UNC13A: variants seen among roughly 807,000 people sequenced by gnomAD.
The protein encoded by UNC13A is unc-13 homolog A.
A neutral mutation model predicts 219.7 loss-of-function variants in UNC13A; 61 were observed. That is an observed-to-expected ratio of 0.28 (90% CI 0.23 to 0.34). The LOEUF (loss-of-function observed/expected upper bound fraction) is 0.34. UNC13A is among the 10% of genes least tolerant of loss of function. The pLI, the probability that UNC13A is intolerant of heterozygous loss-of-function variation, is 1.00. For synonymous variants in UNC13A, 920 were observed against 884.6 expected (o/e 1.04, Z -0.71); for missense variants, 1,476 against 2,270.3 (o/e 0.65, Z 7.11).
chr19:17,614,762 T>C (rs1256864412), intron 41 of UNC13A, among the ~76,000 whole-genome samples: 1 of 152,054 alleles, frequency 6.6e-6, no homozygotes, highest in Non-Finnish European at 1.5e-5. Context: ...CCAGGCCGTC[T>C]TCCTTGTTGC....
At position 17,647,431 on chromosome 19, in the gene UNC13A, C is replaced by T; in HGVS notation, c.1878G>A (p.Val626=). 1 of 1,613,724 alleles carries T rather than the reference C, an allele frequency of 6.2e-7. No individual in the cohort carries two copies. Among genetic ancestry groups the T allele is most frequent in the Non-Finnish European group, 8.5e-7 (1 of 1,179,842 alleles). Residue 626 remains valine, a synonymous_variant, in exon 17 of 44, where the codon GTG becomes GTA. Transcript: ENST00000519716. The part of the protein sequence containing the change: ...AEDRTQNIIM[V]LKDRMKIRER... ...CCCGGATCTTCATGCGGTCCTTGAGCACCATGATGATGTTCTGTGTCCGGT... is the reference window on the plus strand; with the variant it reads ...CCCGGATCTTCATGCGGTCCTTGAGTACCATGATGATGTTCTGTGTCCGGT...
chr19:17,618,962 C>T lies in UNC13A; in HGVS notation c.4273G>A (p.Gly1425Arg). The T allele has an allele frequency of 6.2e-7, 1 of 1,613,952 alleles. No homozygotes were observed. The highest frequency in any genetic ancestry group is 8.5e-7 in the Non-Finnish European group (1 of 1,179,858). ...GCTGCATTGAAGATCATCTGGGTTCCCTGCAGGTAACAACATACAGCTGGG... is the reference window on the plus strand; with the variant it reads ...GCTGCATTGAAGATCATCTGGGTTCTCTGCAGGTAACAACATACAGCTGGG... ...GRVKLPSHSD[G>R]TQMIFNAAKE... Residue 1425 changes from glycine (G) to arginine (R), a missense_variant and splice_region_variant, in exon 39 of 44, where the codon GGA becomes AGA. By Grantham distance (125) the Gly-to-Arg change is moderately radical (BLOSUM62 -2). Transcript: ENST00000519716.
At chr19:17,656,882 C>A in intron 9 of UNC13A, among the ~76,000 whole-genome samples, 1 of 148,212 alleles carries the variant, frequency 6.7e-6, no homozygotes, top group Non-Finnish European at 1.5e-5. Context: ...AAAAAATTCC[C>A]ACTTTTGTGG....
At chr19:17,630,320 G>A in intron 29 of UNC13A, 32 bp from the exon 30 acceptor site, 1 of 1,555,414 alleles carries the variant, frequency 6.4e-7, no homozygotes, top group Non-Finnish European at 8.7e-7. Context: ...GAGGAAGGAG[G>A]AGATCAGCAC....
intron 37 of UNC13A, 53 bp from the exon 38 acceptor site, chr19:17,620,775 C>T (rs1459726098): frequency 6.3e-7 from 1 of 1,593,596 alleles, no homozygotes; most frequent in Non-Finnish European, 8.6e-7. Flanking sequence ...TGGGAGGATA[C>T]TCAGTGGGAC....
chr19:17,655,821 T>TA, intron 10 of UNC13A, 62 bp downstream of exon 10: 1 of 1,456,130 alleles, frequency 6.9e-7, no homozygotes, highest in Non-Finnish European at 9.0e-7. Flanking sequence ...GACCCCATCA[T>TA]AGCCCTGCTG....
chr19:17,683,400 G>A (rs1280471066), intron 1 of UNC13A, among the ~76,000 whole-genome samples: 1 of 152,136 alleles, frequency 6.6e-6, no homozygotes, highest in Non-Finnish European at 1.5e-5. Context: ...GGGAGGCCGA[G>A]GCAAGAGGAT....
Position 17,636,211 on chromosome 19 carries a change from G to A in UNC13A, c.3082-54C>T, listed in dbSNP as rs191977047. The A allele has an allele frequency of 2.9e-3, 4,399 of 1,529,400 alleles. 10 individuals are homozygous for A. The highest frequency in any genetic ancestry group is 4.0e-3 in the Middle Eastern group (23 of 5,798). The allele number at this position is 1,529,400 out of a possible 1,614,324, so 94.7% of individuals were successfully genotyped here. On this transcript the variant is annotated intron_variant, in intron 25 of 43. Coordinates refer to ENST00000519716, the MANE Select transcript of UNC13A (RefSeq NM_001080421.3). Reference sequence around the variant, plus strand: ...TAGGGGGTCCAGAGGTTGGTGCCTCGGTCAGTTTATTACTGAAGAACAAGA... The same window carrying A: ...TAGGGGGTCCAGAGGTTGGTGCCTCAGTCAGTTTATTACTGAAGAACAAGA...
At position 17,621,186 on chromosome 19, in the gene UNC13A, C is replaced by T. The variant is rs10423760; in HGVS notation, c.4243-464G>A. On this transcript the variant is annotated intron_variant, in intron 37 of 43. Coordinates refer to ENST00000519716, the MANE Select transcript of UNC13A (RefSeq NM_001080421.3). ...GTGCACTCCTAAACACTTGCAGGCA[C>T]GTACACAATTATATCACACACAAAA... 3.9e-3 allele frequency among the ~76,000 whole-genome samples: 600 copies of T among 152,246 alleles called. 4 individuals carry two copies. Among genetic ancestry groups the T allele is most frequent in the African/African-American group, 0.013 (557 of 41,538 alleles).
intron 5 of UNC13A, among the ~76,000 whole-genome samples, chr19:17,669,005 A>G (rs2145899860): frequency 6.6e-6 from 1 of 152,230 alleles, no homozygotes. Flanking sequence ...TAGATGGCCC[A>G]GGCTGGTCTC....
chr19:17,627,815 G>A lies in UNC13A; in HGVS notation c.3831+48C>T. ...CTCAGGGGCCTGCAGGGACACAGTG[G>A]TGGGGGTGCCCCATCCCTTCTCCAG... On this transcript the variant is annotated intron_variant, in intron 32 of 43. Transcript: ENST00000519716. The surrounding 1 kb of genome is among the most constrained non-coding windows in gnomAD (Gnocchi z 4.7). 1.3e-6 allele frequency: 2 copies of A among 1,548,122 alleles called. No individual in the cohort carries two copies. The highest frequency in any genetic ancestry group is 2.4e-5 in the East Asian group (1 of 42,160).
chr19:17,656,389 A>G lies in UNC13A; in HGVS notation c.777T>C (p.Gly259=). The G allele has an allele frequency of 6.5e-7, 1 of 1,530,568 alleles. No homozygotes were observed. Among genetic ancestry groups the G allele is most frequent in the Non-Finnish European group, 8.8e-7 (1 of 1,140,532 alleles). The allele number at this position is 1,530,568 out of a possible 1,614,324, so 94.8% of individuals were successfully genotyped here. A position where few individuals can be genotyped will look rare whatever the true frequency, so the allele number is the denominator to read the frequency against. The part of the protein sequence containing the change: ...FSEPQALSPT[G]SSRYASSGEL... ...CCCCGGAAGAGGCATAGCGGCTGCT[A>G]CCCGTGGGGCTGTGGGGATGGAACA... Residue 259 remains glycine (G), a synonymous_variant, in exon 10 of 44, where the codon GGT becomes GGC. Coordinates refer to ENST00000519716, the MANE Select transcript of UNC13A (RefSeq NM_001080421.3).
At chr19:17,616,587 G>A (rs945453695) in intron 41 of UNC13A, 82 of 514,824 alleles carry the variant, frequency 1.6e-4, no homozygotes, top group Middle Eastern at 1.1e-3. Context: ...GCGCGGAGAG[G>A]GGACGGCGAG....
chr19:17,660,833 T>C (rs1176713164), intron 8 of UNC13A, among the ~76,000 whole-genome samples: 2 of 152,056 alleles, frequency 1.3e-5, no homozygotes, highest in African/African-American at 4.8e-5. Context: ...GCCTGGTCTA[T>C]CTTTGCTTTT....
Position 17,610,129 on chromosome 19 carries a change from T to G in UNC13A, c.4652-30A>C, listed in dbSNP as rs544860493. ...TGGAGGAAGTAGAGGGTAAGACAGG[T>G]CAGGTTCTCCCAGTTGGAAAAAGTA... On this transcript the variant is annotated intron_variant, in intron 42 of 43. Transcript: ENST00000519716. The G allele has an allele frequency of 5.6e-6, 9 of 1,612,310 alleles. No individual in the cohort carries two copies. In the African/African-American group the frequency reaches 1.2e-4, roughly 22 times the overall value.
chr19:17,683,879 A>G (rs1296849376), intron 1 of UNC13A, among the ~76,000 whole-genome samples: 2 of 152,052 alleles, frequency 1.3e-5, no homozygotes, highest in Non-Finnish European at 2.9e-5. Context: ...ACTTGAGCCC[A>G]GGAGTTCAAG....
chr19:17,621,231 C>A (rs1202228896), intron 37 of UNC13A, among the ~76,000 whole-genome samples: 14 of 152,260 alleles, frequency 9.2e-5, no homozygotes, highest in Non-Finnish European at 1.5e-5. Context: ...CCCTTCTTGA[C>A]CCCACACGGA....
intron 25 of UNC13A, among the ~76,000 whole-genome samples, chr19:17,637,609 T>C (rs1354852477): frequency 3.9e-5 from 6 of 152,172 alleles, no homozygotes; most frequent in African/African-American, 1.2e-4. Flanking sequence ...TCAAGAACAA[T>C]TTTAACTTAA....
chr19:17,651,415 G>A (rs1179293287), intron 12 of UNC13A, among the ~76,000 whole-genome samples: 8 of 152,030 alleles, frequency 5.3e-5, no homozygotes, highest in South Asian at 2.1e-4. Flanking sequence ...TAGTAGAGAC[G>A]GGATTTTGCC....
Sources: gnomAD v4.1 joint callset for allele counts (sites outside exome capture counted in the v4.1 genomes callset) on GRCh38, gnomAD v4.1.1 for gene constraint, Gnocchi (gnomAD v3.1) non-coding constraint, MANE v1.5 for transcripts, NCBI Gene and HGNC (gene_info 2026-07-23, HGNC 2026-07-21) for gene names.